GATA6: variants seen among roughly 807,000 people sequenced by gnomAD.
GATA6 encodes transcription factor GATA-6.
GATA6 carries 11 observed loss-of-function variants against 48.1 expected under a neutral mutation model. That is an observed-to-expected ratio of 0.23 (90% CI 0.14 to 0.38). The LOEUF (loss-of-function observed/expected upper bound fraction) is 0.38. Ranked by LOEUF, GATA6 falls within the 10% of genes least tolerant of loss-of-function variation. The pLI is 1.00. For missense variants in GATA6, 795 were observed against 850.3 expected (o/e 0.93, Z 0.81); for synonymous variants, 419 against 396.1 (o/e 1.06, Z -0.69).
Position 22,171,476 on chromosome 18 carries a change from A to T in GATA6, c.332A>T (p.Asp111Val), listed in dbSNP as rs1454873818. 1 of 1,600,514 alleles carries T rather than the reference A, an allele frequency of 6.2e-7. No homozygotes were observed. The highest frequency in any genetic ancestry group is 8.5e-7 in the Non-Finnish European group (1 of 1,179,418). The stretch of plus-strand genomic sequence containing the variant: ...GGGGGCAACCTGTCGAGCTGGGAGG[A>T]CTTGCTGCTGTTCACTGACCTCGAC... The part of the protein sequence containing the change: ...GPGGNLSSWE[D>V]LLLFTDLDQA... The change falls in exon 2 of 7, where the codon GAC becomes GTC. Residue 111 changes from aspartate (D) to valine (V), a missense_variant. Physicochemically the swap from Asp to Val is radical, Grantham distance 152. Transcript: ENST00000269216. This position sits in a 1 kb window ranked among gnomAD's most constrained non-coding sequence, Gnocchi z 7.1.
chr18:22,200,915 C>T lies in GATA6; in HGVS notation c.*92C>T. The stretch of plus-strand genomic sequence containing the variant: ...GCAGCGGTCCAGACAGTGGCGACTG[C>T]GCTGACAGAACGTGATTCTCGTGCC... On this transcript the variant is annotated 3_prime_UTR_variant, in exon 7 of 7. Transcript: ENST00000269216. The T allele has an allele frequency of 2.3e-6, 3 of 1,307,908 alleles. No individual in the cohort carries two copies. The highest frequency in any genetic ancestry group is 3.2e-6 in the Non-Finnish European group (3 of 944,822). The allele number at this position is 1,307,908 out of a possible 1,614,324, so 81.0% of individuals were successfully genotyped here.
intron 6 of GATA6, among the ~76,000 whole-genome samples, chr18:22,187,785 T>C (rs1403741810): frequency 7.2e-5 from 11 of 152,026 alleles, no homozygotes; most frequent in Admixed American, 4.6e-4. Flanking sequence ...ATTTCTTTTG[T>C]AATAGGAGGG....
At chr18:22,177,596 CTT>C (rs1191333497) in intron 3 of GATA6, among the ~76,000 whole-genome samples, 8 of 152,154 alleles carry the variant, frequency 5.3e-5, no homozygotes, top group Admixed American at 1.3e-4. Flanking sequence ...CGAAGGAAGA[CTT>C]TTTTCACTGT....
In GATA6 at chr18:22,202,272, A is replaced by G. The variant is rs1198121569; in HGVS notation, c.*1449A>G. The G allele has an allele frequency of 6.6e-6, 1 of 152,192 alleles. No homozygotes were observed. The highest frequency in any genetic ancestry group is 2.4e-5 in the African/African-American group (1 of 41,456). The allele number at this position is 152,192 out of a possible 1,614,324, so 9.4% of individuals were successfully genotyped here. ...TTTTGTTTGGGAACAATGCTTAAAA[A>G]TATTCCAGAAAGTTCAGATTTTTTT... On this transcript the variant is annotated 3_prime_UTR_variant, in exon 7 of 7. Transcript: ENST00000269216.
intron 6 of GATA6, among the ~76,000 whole-genome samples, chr18:22,200,340 A>T (rs1342257208): frequency 1.3e-5 from 2 of 152,236 alleles, no homozygotes; most frequent in Non-Finnish European, 2.9e-5. Context: ...TTTTACAAAT[A>T]GGATTTCTTC....
rs993471660 is a variant in GATA6 at position 22,171,193 on chromosome 18, G to A, written c.49G>A (p.Ala17Thr). ...GTGCTTGCCGAAGCGCTTCGGGGCCGCGGGTGCGGACGCCAGCGACTCCAG... is the reference window on the plus strand; with the variant it reads ...GTGCTTGCCGAAGCGCTTCGGGGCCACGGGTGCGGACGCCAGCGACTCCAG... ...GWCLPKRFGAAGADASDSRAF... is the reference protein window; with the variant it reads ...GWCLPKRFGATGADASDSRAF... The change falls in exon 2 of 7, where the codon GCG becomes ACG. Residue 17 changes from alanine to threonine, a missense_variant. Coordinates refer to ENST00000269216, the MANE Select transcript of GATA6 (RefSeq NM_005257.6). This position sits in a 1 kb window ranked among gnomAD's most constrained non-coding sequence, Gnocchi z 7.1. 1.3e-6 allele frequency: 2 copies of A among 1,599,706 alleles called. No homozygotes were observed. The highest frequency in any genetic ancestry group is 1.1e-5 in the South Asian group (1 of 90,978).
Position 22,172,392 on chromosome 18 carries a change from C to T in GATA6, c.1135+113C>T. On this transcript the variant is annotated intron_variant, in intron 2 of 6. Coordinates refer to ENST00000269216, the MANE Select transcript of GATA6 (RefSeq NM_005257.6). The surrounding 1 kb of genome is among the most constrained non-coding windows in gnomAD (Gnocchi z 5.2). ...TTTTCAGGACTTTCTCGTCCGGGTGCGCGGAGGTCGGCCTGGTCCCAGGAA... is the reference window on the plus strand; with the variant it reads ...TTTTCAGGACTTTCTCGTCCGGGTGTGCGGAGGTCGGCCTGGTCCCAGGAA... 6.9e-7 allele frequency: 1 copy of T among 1,452,094 alleles called. No individual in the cohort carries two copies. Among genetic ancestry groups the T allele is most frequent in the Admixed American group, 2.3e-5 (1 of 43,666 alleles). The allele number at this position is 1,452,094 out of a possible 1,614,324, so 90.0% of individuals were successfully genotyped here. A position where few individuals can be genotyped will look rare whatever the true frequency, so the allele number is the denominator to read the frequency against.
chr18:22,181,712 T>C (rs756463253), intron 4 of GATA6, 134 bp downstream of exon 4: 56 of 877,976 alleles, frequency 6.4e-5, no homozygotes, highest in Non-Finnish European at 9.2e-5. Flanking sequence ...ACTGAATATG[T>C]TTAATATATT....
rs2033021642 is a variant in GATA6, at chr18:22,170,682, TG to T, written c.-37-425del. 6.6e-6 allele frequency among the ~76,000 whole-genome samples: 1 copy of T among 152,132 alleles called. No individual in the cohort carries two copies. The highest frequency in any genetic ancestry group is 2.1e-4 in the South Asian group (1 of 4,828). On this transcript the variant is annotated intron_variant, in intron 1 of 6. Coordinates refer to ENST00000269216, the MANE Select transcript of GATA6 (RefSeq NM_005257.6). This position sits in a 1 kb window ranked among gnomAD's most constrained non-coding sequence, Gnocchi z 6.7. Reference sequence around the variant, plus strand: ...TCCGCAGAGAGGCGGGATGCGGCGGTGCCGACACGCACAGCTACTTAAATTC... The same window carrying T: ...TCCGCAGAGAGGCGGGATGCGGCGGTCCGACACGCACAGCTACTTAAATTC...
intron 6 of GATA6, among the ~76,000 whole-genome samples, chr18:22,193,187 G>A (rs1259229053): frequency 6.6e-6 from 1 of 152,194 alleles, no homozygotes; most frequent in East Asian, 1.9e-4. Context: ...TAGAGAAAAG[G>A]TGTCCATGTT....
chr18:22,199,328 A>C (rs867565829), intron 6 of GATA6, among the ~76,000 whole-genome samples: 1 of 152,362 alleles, frequency 6.6e-6, no homozygotes, highest in Middle Eastern at 3.4e-3. Context: ...TACCTCTGTC[A>C]AATAACAAGT....
intron 2 of GATA6, chr18:22,176,720 G>T: frequency 2.1e-6 from 1 of 485,626 alleles, no homozygotes; most frequent in Non-Finnish European, 3.6e-6. Context: ...TCTCTTTCCC[G>T]GAGTCTCTAC....
intron 6 of GATA6, among the ~76,000 whole-genome samples, chr18:22,184,418 C>T (rs558966772): frequency 3.3e-5 from 5 of 151,714 alleles, no homozygotes; most frequent in Admixed American, 1.3e-4. Flanking sequence ...TTGTGTTTTA[C>T]AGGCAGGTTA....
intron 6 of GATA6, among the ~76,000 whole-genome samples, chr18:22,194,815 G>T (rs557029762): frequency 6.6e-6 from 1 of 151,234 alleles, no homozygotes; most frequent in Admixed American, 6.6e-5. Context: ...ACAGGACAAA[G>T]CCAGGCTTCT....
rs903253621 is a variant in GATA6 at position 22,201,555 on chromosome 18, T to G, written c.*732T>G. Reference sequence around the variant, plus strand: ...GCATTTTTTATAATGAATGTAAACATTTTAACTTAATGGTACTTAAAATAA... The same window carrying G: ...GCATTTTTTATAATGAATGTAAACAGTTTAACTTAATGGTACTTAAAATAA... On this transcript the variant is annotated 3_prime_UTR_variant, in exon 7 of 7. Coordinates refer to ENST00000269216, the MANE Select transcript of GATA6 (RefSeq NM_005257.6). The G allele has an allele frequency of 1.3e-5, 2 of 152,676 alleles. No homozygotes were observed. Among genetic ancestry groups the G allele is most frequent in the African/African-American group, 4.8e-5 (2 of 41,474 alleles). 9.5% of individuals were successfully genotyped at this position (152,676 alleles called of 1,614,324 possible). A position where few individuals can be genotyped will look rare whatever the true frequency, so the allele number is the denominator to read the frequency against.
chr18:22,191,221 AG>A (rs926683226), intron 6 of GATA6, among the ~76,000 whole-genome samples: 1 of 152,168 alleles, frequency 6.6e-6, no homozygotes, highest in African/African-American at 2.4e-5. Flanking sequence ...TTATTTAATA[AG>A]TGACTCATTA....
rs2143277468 is a variant in GATA6 at position 22,171,942 on chromosome 18, T to C, written c.798T>C (p.Ser266=). The change falls in exon 2 of 7, where the codon TCT becomes TCC. Residue 266 remains serine (S), a synonymous_variant. Transcript: ENST00000269216. The surrounding 1 kb of genome is among the most constrained non-coding windows in gnomAD (Gnocchi z 7.1). ...ACGTCTCGGCGCGCTTCCCCTACTC[T>C]CCCAGCCCGCCCATGGCCAACGGCG... ...AAHVSARFPY[S]PSPPMANGAA... is the part of the protein sequence containing the mutation. 1 of 1,193,456 alleles carries C rather than the reference T, an allele frequency of 8.4e-7. No individual in the cohort carries two copies. The highest frequency in any genetic ancestry group is 1.0e-6 in the Non-Finnish European group (1 of 964,096). 73.9% of individuals were successfully genotyped at this position (1,193,456 alleles called of 1,614,324 possible). A position where few individuals can be genotyped will look rare whatever the true frequency, so the allele number is the denominator to read the frequency against.
intron 2 of GATA6, among the ~76,000 whole-genome samples, chr18:22,176,204 C>A (rs1191141063): frequency 6.6e-6 from 1 of 152,186 alleles, no homozygotes; most frequent in Non-Finnish European, 1.5e-5. Flanking sequence ...AAGGTATCAA[C>A]CTTTTATAAA....
At chr18:22,178,156 G>A (rs1206132270) in intron 3 of GATA6, among the ~76,000 whole-genome samples, 2 of 151,466 alleles carry the variant, frequency 1.3e-5, no homozygotes, top group Non-Finnish European at 2.9e-5. Context: ...TAGAGACAGG[G>A]TTTCTCCATG....
Sources: gnomAD v4.1 joint callset for allele counts (sites outside exome capture counted in the v4.1 genomes callset) on GRCh38, gnomAD v4.1.1 for gene constraint, Gnocchi (gnomAD v3.1) non-coding constraint, MANE v1.5 for transcripts, NCBI Gene and HGNC (gene_info 2026-07-23, HGNC 2026-07-21) for gene names.